Variants in CLUAP1 observed in about 807,000 individuals in gnomAD.
CLUAP1 encodes the protein clusterin-associated protein 1.
In CLUAP1, 50 loss-of-function variants were observed where a neutral mutation model predicts 55.0. The observed-to-expected ratio is 0.91, with a 90% CI of 0.72 to 1.15. The LOEUF (loss-of-function observed/expected upper bound fraction) is 1.15, where lower values mean the gene tolerates loss of function less well. Ranked by LOEUF, CLUAP1 falls within the 50% of genes most tolerant of loss-of-function variation. CLUAP1 has a pLI of 0.00. For synonymous variants in CLUAP1, 195 were observed against 175.4 expected (o/e 1.11, Z -0.88); for missense variants, 530 against 507.6 (o/e 1.04, Z -0.42).
intron 9 of CLUAP1, among the ~76,000 whole-genome samples, chr16:3,529,775 ATATATTATATAATATATATTATATTATT>A (rs2038065650): frequency 6.9e-5 from 3 of 43,508 alleles, no homozygotes; most frequent in Middle Eastern, 0.018. Flanking sequence ...TTATATTATT[ATATATTATATAATATATATTATATTATT>A]ATATATATAT....
At chr16:3,507,680 TTGTGTGTGTGTGTGTGTGTGTG>T (rs61672090) in intron 3 of CLUAP1, among the ~76,000 whole-genome samples, 3 of 142,988 alleles carry the variant, frequency 2.1e-5, no homozygotes, top group Admixed American at 7.0e-5. Flanking sequence ...CTTCCAGAGT[TTGTGTGTGTGTGTGTGTGTGTG>T]TGTGTGTGTG....
intron 4 of CLUAP1, among the ~76,000 whole-genome samples, chr16:3,511,880 G>A (rs1038993109): frequency 1.3e-5 from 2 of 152,134 alleles, no homozygotes; most frequent in Non-Finnish European, 2.9e-5. Flanking sequence ...GCTAGTGGTT[G>A]AATGCATGTT....
chr16:3,522,027 G>A (rs1026221447), intron 7 of CLUAP1, among the ~76,000 whole-genome samples: 2 of 152,076 alleles, frequency 1.3e-5, no homozygotes, highest in African/African-American at 4.8e-5. Flanking sequence ...CCACTGCACT[G>A]TAGCCTGGGT....
At position 3,532,392 on chromosome 16, in the gene CLUAP1, G is replaced by A. The variant is rs1440105065; in HGVS notation, c.1037-394G>A. ...CTTATCTACCACCTGTTAATGTTTGGAGCACAGTTGCTTTTTTTTTTTTTT... is the reference window on the plus strand; with the variant it reads ...CTTATCTACCACCTGTTAATGTTTGAAGCACAGTTGCTTTTTTTTTTTTTT... On this transcript the variant is annotated intron_variant, in intron 10 of 11. Transcript: ENST00000576634. 4.2e-5 allele frequency among the ~76,000 whole-genome samples: 6 copies of A among 141,472 alleles called. 1 individual carries two copies. Among genetic ancestry groups the A allele is most frequent in the Non-Finnish European group, 7.6e-5 (5 of 66,154 alleles). 92.8% of individuals were successfully genotyped at this position (141,472 alleles called of 152,430 possible).
upstream of CLUAP1, chr16:3,496,216 C>T (rs1771382844): frequency 5.1e-6 from 3 of 589,322 alleles, no homozygotes; most frequent in South Asian, 1.4e-5. Context: ...AGCTGACGTC[C>T]GCCACAAGAA....
upstream of CLUAP1, among the ~76,000 whole-genome samples, chr16:3,500,339 G>A (rs1190629152): frequency 3.3e-5 from 5 of 152,178 alleles, no homozygotes. Flanking sequence ...CTCGGACGGG[G>A]GAAGGCGGGC....
At chr16:3,524,108 G>C (rs1431833968) in intron 8 of CLUAP1, among the ~76,000 whole-genome samples, 1 of 151,630 alleles carries the variant, frequency 6.6e-6, no homozygotes, top group Non-Finnish European at 1.5e-5. Context: ...AGACCAGTTT[G>C]GGCAGCATAA....
At chr16:3,497,030 C>G (rs1354220876), upstream of CLUAP1, among the ~76,000 whole-genome samples, 1 of 151,990 alleles carries the variant, frequency 6.6e-6, no homozygotes, top group Non-Finnish European at 1.5e-5. Context: ...ACCACCACGC[C>G]CAACGGATCT....
chr16:3,525,569 C>T (rs1270143466), intron 8 of CLUAP1, among the ~76,000 whole-genome samples: 1 of 152,076 alleles, frequency 6.6e-6, no homozygotes, highest in South Asian at 2.1e-4. Context: ...TTGTCTCTTT[C>T]TCTTTCTCAA....
chr16:3,501,211 C>T lies in CLUAP1; in HGVS notation c.22+122C>T. 2.8e-6 allele frequency: 3 copies of T among 1,065,172 alleles called. No homozygotes were observed. The South Asian group carries it at 4.3e-5, about 15-fold the overall frequency. 66.0% of individuals were successfully genotyped at this position (1,065,172 alleles called of 1,614,324 possible). ...GCTGCCGGAGGCTCCTTTCGGGCCT[C>T]TGCGCCTCAGGGACCGCCTGACCCG... On this transcript the variant is annotated intron_variant, in intron 1 of 11. Coordinates refer to ENST00000576634, the MANE Select transcript of CLUAP1 (RefSeq NM_015041.3).
At chr16:3,527,651 G>C (rs74325248) in intron 9 of CLUAP1, among the ~76,000 whole-genome samples, 125 of 152,256 alleles carry the variant, frequency 8.2e-4, no homozygotes, top group Admixed American at 5.7e-3. Context: ...CCATCTCCCG[G>C]TGATACTGTG....
At chr16:3,533,749 GCA>G (rs1313090876) in intron 11 of CLUAP1, 2 of 154,440 alleles carry the variant, frequency 1.3e-5, no homozygotes, top group Non-Finnish European at 2.9e-5. Flanking sequence ...AATTTACAGG[GCA>G]CAGTCTGTAG....
At chr16:3,496,095 C>T, upstream of CLUAP1, 1 of 356,994 alleles carries the variant, frequency 2.8e-6, no homozygotes. Flanking sequence ...GAGCCCAGAT[C>T]GCGCCACTGC....
At chr16:3,528,357 ATC>A (rs1567438431) in intron 9 of CLUAP1, among the ~76,000 whole-genome samples, 1 of 151,710 alleles carries the variant, frequency 6.6e-6, no homozygotes, top group Non-Finnish European at 1.5e-5. Context: ...TTTCCCTTGT[ATC>A]TCTCTCATTT....
chr16:3,508,576 G>A (rs970955399), intron 4 of CLUAP1, 108 bp downstream of exon 4: 15 of 1,020,254 alleles, frequency 1.5e-5, no homozygotes, highest in Non-Finnish European at 1.9e-5. Flanking sequence ...CCTCAGCTGA[G>A]GGCAGTTTGT....
intron 10 of CLUAP1, 95 bp downstream of exon 10, chr16:3,530,770 C>G: frequency 1.1e-6 from 1 of 888,726 alleles, no homozygotes; most frequent in Admixed American, 2.3e-5. Flanking sequence ...TTGAGGCCCA[C>G]AAGCGTGCTG....
chr16:3,512,729 G>A (rs2037654558), intron 5 of CLUAP1, among the ~76,000 whole-genome samples: 1 of 152,110 alleles, frequency 6.6e-6, no homozygotes, highest in African/African-American at 2.4e-5. Flanking sequence ...TGCCCAGGCT[G>A]GAGTGCAGTG....
At chr16:3,508,257 T>G (rs750843777) in intron 3 of CLUAP1, 32 bp from the exon 4 acceptor site, 1 of 1,573,414 alleles carries the variant, frequency 6.4e-7, no homozygotes, top group Non-Finnish European at 8.6e-7. Context: ...GGAAAGGGCC[T>G]TCAACTTTTT....
intron 4 of CLUAP1, among the ~76,000 whole-genome samples, chr16:3,510,901 A>G (rs7202780): frequency 0.61 from 92,900 of 152,064 alleles, 29,877 homozygotes; most frequent in African/African-American, 0.82. Flanking sequence ...TGGTATGTGA[A>G]ACTAGAGCCC....
Sources: gnomAD v4.1 joint callset for allele counts (sites outside exome capture counted in the v4.1 genomes callset) on GRCh38, gnomAD v4.1.1 for gene constraint, MANE v1.5 for transcripts, NCBI Gene and HGNC (gene_info 2026-07-23, HGNC 2026-07-21) for gene names.